The following EDIL3 variants were observed in gnomAD, a reference collection of about 807,000 sequenced individuals.
EDIL3 encodes the protein EGF-like repeat and discoidin I-like domain-containing protein 3.
EDIL3 carries 37 observed loss-of-function variants against 67.4 expected under a neutral mutation model. The observed-to-expected ratio is 0.55, with a 90% CI of 0.42 to 0.72. The LOEUF (loss-of-function observed/expected upper bound fraction) is 0.72. Ranked by LOEUF, EDIL3 falls within the 30% of genes least tolerant of loss-of-function variation. EDIL3 has a pLI of 0.00. For missense variants in EDIL3, 527 were observed against 586.3 expected (o/e 0.90, Z 1.04); for synonymous variants, 195 against 196.3 (o/e 0.99, Z 0.05).
At chr5:84,380,973 T>C (rs2112224603) in intron 1 of EDIL3, among the ~76,000 whole-genome samples, 1 of 152,154 alleles carries the variant, frequency 6.6e-6, no homozygotes, top group South Asian at 2.1e-4. Flanking sequence ...TTTGAATACA[T>C]GATTTATATG....
intron 1 of EDIL3, among the ~76,000 whole-genome samples, chr5:84,341,500 G>A (rs1201967225): frequency 6.6e-6 from 1 of 152,066 alleles, no homozygotes. Flanking sequence ...ACAAAAAGAC[G>A]TGTTCCTAAT....
intron 6 of EDIL3, among the ~76,000 whole-genome samples, chr5:84,083,933 A>G (rs1042829235): frequency 1.3e-5 from 2 of 152,212 alleles, no homozygotes; most frequent in African/African-American, 4.8e-5. Flanking sequence ...TTAACCCTAA[A>G]AAATAAATTG....
At chr5:84,360,863 C>T (rs1196475675) in intron 1 of EDIL3, among the ~76,000 whole-genome samples, 1 of 152,066 alleles carries the variant, frequency 6.6e-6, no homozygotes, top group Admixed American at 6.5e-5. Context: ...TCCAATAATC[C>T]AAGCAAGTGT....
intron 9 of EDIL3, among the ~76,000 whole-genome samples, chr5:84,049,103 T>A (rs1177863972): frequency 6.6e-6 from 1 of 152,218 alleles, no homozygotes; most frequent in East Asian, 1.9e-4. Context: ...ATTACTCACT[T>A]TAAATTATTA....
chr5:84,033,008 C>A (rs1048719370), intron 9 of EDIL3, among the ~76,000 whole-genome samples: 2 of 152,098 alleles, frequency 1.3e-5, no homozygotes, highest in African/African-American at 4.8e-5. Context: ...TTGAATGGCC[C>A]CTCTGTTGGT....
intron 3 of EDIL3, among the ~76,000 whole-genome samples, chr5:84,215,400 C>G (rs2112393984): frequency 1.3e-5 from 2 of 152,068 alleles, no homozygotes; most frequent in South Asian, 4.2e-4. Flanking sequence ...ACTACAGGCG[C>G]CCGCCACCAC....
At chr5:84,319,822 T>TA (rs1269206298) in intron 1 of EDIL3, among the ~76,000 whole-genome samples, 1 of 151,876 alleles carries the variant, frequency 6.6e-6, no homozygotes, top group Non-Finnish European at 1.5e-5. Context: ...TATGCAGCCA[T>TA]AAAAAAGGAT....
intron 1 of EDIL3, among the ~76,000 whole-genome samples, chr5:84,376,056 C>A (rs890111672): frequency 6.6e-6 from 1 of 152,138 alleles, no homozygotes; most frequent in Non-Finnish European, 1.5e-5. Context: ...TGAGACAGAG[C>A]ATCGCCTAAT....
intron 1 of EDIL3, among the ~76,000 whole-genome samples, chr5:84,376,963 T>C (rs1477047658): frequency 6.6e-6 from 1 of 152,190 alleles, no homozygotes; most frequent in East Asian, 1.9e-4. Flanking sequence ...TATAGAAAGA[T>C]AAATAAACAG....
intron 9 of EDIL3, among the ~76,000 whole-genome samples, chr5:83,983,012 T>C (rs1404317728): frequency 6.6e-6 from 1 of 152,162 alleles, no homozygotes; most frequent in Non-Finnish European, 1.5e-5. Context: ...AAGAGATTCA[T>C]TTTTCTCATG....
intron 1 of EDIL3, among the ~76,000 whole-genome samples, chr5:84,369,887 A>C (rs578075286): frequency 1.3e-5 from 2 of 152,282 alleles, no homozygotes; most frequent in South Asian, 2.1e-4. Flanking sequence ...ACAGACGCCA[A>C]TATGTCATCA....
chr5:84,080,065 A>T (rs1348790343), intron 6 of EDIL3, among the ~76,000 whole-genome samples: 1 of 130,416 alleles, frequency 7.7e-6, no homozygotes, highest in African/African-American at 3.0e-5. Flanking sequence ...AGGTCAGGAG[A>T]TCGAGAACAT....
At chr5:84,316,181 A>T (rs1056911977) in intron 1 of EDIL3, among the ~76,000 whole-genome samples, 2 of 152,186 alleles carry the variant, frequency 1.3e-5, no homozygotes, top group African/African-American at 2.4e-5. Flanking sequence ...AACCATAGAC[A>T]CTATGAAGAA....
intron 9 of EDIL3, among the ~76,000 whole-genome samples, chr5:84,009,295 C>T (rs929841703): frequency 2.6e-5 from 4 of 152,078 alleles, no homozygotes; most frequent in South Asian, 2.1e-4. Flanking sequence ...ATCAAAACTG[C>T]GAAATTGTGG....
At chr5:84,287,172 C>T (rs978824884) in intron 1 of EDIL3, among the ~76,000 whole-genome samples, 1 of 152,088 alleles carries the variant, frequency 6.6e-6, no homozygotes, top group African/African-American at 2.4e-5. Context: ...TGAGCTAAAG[C>T]TGTATTTATC....
At chr5:84,064,648 T>C (rs1746601773) in intron 8 of EDIL3, 52 bp downstream of exon 8, 2 of 1,558,124 alleles carry the variant, frequency 1.3e-6, no homozygotes, top group East Asian at 2.3e-5. Context: ...CATACAAATA[T>C]GCTTTTTGTT....
At chr5:84,201,727 C>T (rs1037165215) in intron 3 of EDIL3, among the ~76,000 whole-genome samples, 16 of 151,916 alleles carry the variant, frequency 1.1e-4, no homozygotes, top group African/African-American at 3.9e-4. Flanking sequence ...TTCCAAATTC[C>T]CAGAAGTTAA....
At chr5:84,303,806 C>CTG (rs1268139374) in intron 1 of EDIL3, among the ~76,000 whole-genome samples, 30 of 101,408 alleles carry the variant, frequency 3.0e-4, no homozygotes, top group East Asian at 9.2e-4. Flanking sequence ...CTCTCTCTCT[C>CTG]TCTGTGTGTG....
chr5:84,059,571 G>A (rs1237233257), intron 9 of EDIL3, among the ~76,000 whole-genome samples: 1 of 152,128 alleles, frequency 6.6e-6, no homozygotes, highest in Non-Finnish European at 1.5e-5. Context: ...AACTACTATA[G>A]TTTTTAAACT....
Sources: allele counts gnomAD v4.1 joint callset (sites outside exome capture counted in the v4.1 genomes callset), GRCh38; gene constraint gnomAD v4.1.1; transcripts MANE v1.5; gene names NCBI Gene and HGNC (gene_info 2026-07-23, HGNC 2026-07-21).